Variants in TRIM14 observed in about 807,000 individuals in gnomAD.
TRIM14 encodes the protein tripartite motif-containing protein 14.
In TRIM14, 28 loss-of-function variants were observed where a neutral mutation model predicts 44.5. The observed-to-expected ratio is 0.63, with a 90% CI of 0.47 to 0.86. The LOEUF is 0.86. Ranked by LOEUF, TRIM14 falls within the 40% of genes least tolerant of loss-of-function variation. TRIM14 has a pLI of 0.00. For synonymous variants in TRIM14, 299 were observed against 269.2 expected (o/e 1.11, Z -1.08); for missense variants, 607 against 611.1 (o/e 0.99, Z 0.07).
chr9:98,065,363 A>ATT (rs1441419430), downstream of TRIM14, among the ~76,000 whole-genome samples: 18 of 119,920 alleles, frequency 1.5e-4, 1 homozygote, highest in African/African-American at 5.9e-4. Flanking sequence ...CCCAGGCTGG[A>ATT]GTGCAATCAA....
the TRIM14 span, among the ~76,000 whole-genome samples, chr9:98,051,833 C>T: frequency 1.3e-5 from 2 of 150,930 alleles, no homozygotes; most frequent in East Asian, 1.9e-4. Context: ...GCAAGGCAAC[C>T]CAAAGCCAAT....
downstream of TRIM14, among the ~76,000 whole-genome samples, chr9:98,066,525 TAC>T (rs1377125085): frequency 1.3e-5 from 2 of 152,202 alleles, no homozygotes; most frequent in African/African-American, 4.8e-5. Flanking sequence ...TAGTAATATT[TAC>T]AGAGTTGTGC....
the TRIM14 span, among the ~76,000 whole-genome samples, chr9:98,039,027 C>T: frequency 4.6e-5 from 7 of 151,562 alleles, no homozygotes; most frequent in East Asian, 7.8e-4. Context: ...CCCAGCCTGG[C>T]GACAGAGAGA....
At chr9:98,098,750 CTT>C (rs971952783) in intron 3 of TRIM14, among the ~76,000 whole-genome samples, 1 of 152,002 alleles carries the variant, frequency 6.6e-6, no homozygotes, top group Admixed American at 6.6e-5. Flanking sequence ...CAACAACATG[CTT>C]TCTCTAAATG....
chr9:98,081,510 C>T, downstream of TRIM14: 1 of 167,998 alleles, frequency 6.0e-6, no homozygotes, highest in Non-Finnish European at 1.3e-5. Context: ...ATTTCCTAAG[C>T]CAGGGTGGCA....
intron 5 of TRIM14, among the ~76,000 whole-genome samples, chr9:98,090,109 TGTA>T: frequency 6.6e-6 from 1 of 152,244 alleles, no homozygotes; most frequent in East Asian, 1.9e-4. Flanking sequence ...ATGTTCTAAA[TGTA>T]GTAGACAGTA....
chr9:98,106,336 A>G (rs539152911), intron 2 of TRIM14, among the ~76,000 whole-genome samples: 17 of 152,360 alleles, frequency 1.1e-4, no homozygotes, highest in African/African-American at 3.8e-4. Context: ...AGGATTATGG[A>G]TGAATTTTTA....
chr9:98,038,303 A>C, the TRIM14 span, among the ~76,000 whole-genome samples: 42,077 of 151,906 alleles, frequency 0.28, 6,053 homozygotes, highest in Admixed American at 0.31. Flanking sequence ...CTGCCCACCT[A>C]AGCCTCCCAA....
At chr9:98,070,889 G>A (rs1829311114) in intron 6 of TRIM14, among the ~76,000 whole-genome samples, 3 of 149,340 alleles carry the variant, frequency 2.0e-5, no homozygotes, top group Admixed American at 1.3e-4. Context: ...ATAGCTCACC[G>A]CAGCCTTGAC....
intron 6 of TRIM14, among the ~76,000 whole-genome samples, chr9:98,079,089 C>G (rs1829731551): frequency 6.6e-6 from 1 of 152,122 alleles, no homozygotes; most frequent in African/African-American, 2.4e-5. Flanking sequence ...AAATTACTCT[C>G]TCCCACGATT....
In TRIM14 at chr9:98,086,316, A is replaced by G. The variant is rs577342326; in HGVS notation, c.*1154T>C. ...AACGGGGCACACGTCTGGCCCCCCT[A>G]TATCACCCCGGGGTAACTTTACGCA... On this transcript the variant is annotated 3_prime_UTR_variant, in exon 6 of 6. Transcript: ENST00000341469. The G allele has an allele frequency of 6.6e-6, 1 of 152,150 alleles. No individual in the cohort carries two copies. Among genetic ancestry groups the G allele is most frequent in the Non-Finnish European group, 1.5e-5 (1 of 68,084 alleles). The allele number at this position is 152,150 out of a possible 1,614,324, so 9.4% of individuals were successfully genotyped here.
intron 3 of TRIM14, among the ~76,000 whole-genome samples, chr9:98,099,260 C>A (rs1414411913): frequency 6.6e-6 from 1 of 151,944 alleles, no homozygotes; most frequent in Admixed American, 6.6e-5. Context: ...CAAGACCAGC[C>A]TGACCAACGT....
chr9:98,098,567 C>T (rs1826269063), intron 3 of TRIM14, among the ~76,000 whole-genome samples: 1 of 151,916 alleles, frequency 6.6e-6, no homozygotes, highest in South Asian at 2.1e-4. Flanking sequence ...AAAAAATTAG[C>T]TGGGCGTGGT....
In TRIM14 at chr9:98,087,377, G is replaced by A; in HGVS notation, c.*93C>T. The A allele has an allele frequency of 6.3e-7, 1 of 1,575,838 alleles. No individual in the cohort carries two copies. The highest frequency in any genetic ancestry group is 8.7e-7 in the Non-Finnish European group (1 of 1,145,838). On this transcript the variant is annotated 3_prime_UTR_variant, in exon 6 of 6. Coordinates refer to ENST00000341469, the MANE Select transcript of TRIM14 (RefSeq NM_014788.4). ...GGCAGGGAGAGGGCCCTAAGAAGCA[G>A]GCAGTAAGGGGACCAGCCACGCTGA...
At chr9:98,083,543 T>G (rs1241107022), downstream of TRIM14, among the ~76,000 whole-genome samples, 1 of 152,224 alleles carries the variant, frequency 6.6e-6, no homozygotes. Flanking sequence ...AAGGATCTTG[T>G]AGGCAGAAAA....
At chr9:98,060,670 C>CTCAA in the TRIM14 span, 1 of 1,062,596 alleles carries the variant, frequency 9.4e-7, no homozygotes, top group African/African-American at 1.6e-5. Context: ...AACTCTGTCT[C>CTCAA]TAAATAAATA....
Position 98,087,566 on chromosome 9 carries a change from C to T in TRIM14, c.1233G>A (p.Met411Ile), listed in dbSNP as rs755682455. The T allele has an allele frequency of 1.3e-6, 2 of 1,596,656 alleles. No homozygotes were observed. Among genetic ancestry groups the T allele is most frequent in the Non-Finnish European group, 1.7e-6 (2 of 1,174,038 alleles). ...TGGCGCGGAAGGTATGCAGGTGGCT[C>T]ATGCCGCCCGTCACGTCGTAGAAGG... ...VLAFYDVTGGMSHLHTFRATF... is the reference protein window; with the variant it reads ...VLAFYDVTGGISHLHTFRATF... The change falls in exon 6 of 6, where the codon ATG becomes ATA. Residue 411 changes from methionine to isoleucine, a missense_variant. Met to Ile is a conservative substitution (Grantham distance 10). This residue lies in a region of TRIM14 where 356 missense variants were observed against 323.0 expected (regional missense o/e 1.10). Transcript: ENST00000341469.
chr9:98,088,035 G>A (rs369010782), intron 5 of TRIM14, 30 bp from the exon 6 acceptor site: 5 of 1,448,620 alleles, frequency 3.5e-6, no homozygotes, highest in Non-Finnish European at 4.5e-6. Context: ...GGACGCACCT[G>A]GTGGGCGGGG....
chr9:98,069,505 C>T (rs1018167636), exon 7 of TRIM14: 5 of 152,202 alleles, frequency 3.3e-5, no homozygotes, highest in African/African-American at 1.2e-4. Context: ...AACTCCTGAC[C>T]TTGTGATCCA....
Sources: allele counts gnomAD v4.1 joint callset (sites outside exome capture counted in the v4.1 genomes callset), GRCh38; gene constraint gnomAD v4.1.1; regional missense constraint gnomAD v4.1.1; transcripts MANE v1.5; gene names NCBI Gene and HGNC (gene_info 2026-07-23, HGNC 2026-07-21).